Variants in ABCA10 observed in about 807,000 individuals in gnomAD.
ABCA10 encodes ATP binding cassette subfamily A member 10.
A neutral mutation model predicts 187.5 loss-of-function variants in ABCA10; 169 were observed. The ratio of observed to expected loss-of-function variants is 0.90; its 90% CI spans 0.80 to 1.02. ABCA10 has a LOEUF of 1.02. ABCA10 is among the 50% of genes least tolerant of loss of function. ABCA10 has a pLI of 0.00. For synonymous variants in ABCA10, 574 were observed against 601.8 expected (o/e 0.95, Z 0.68); for missense variants, 1,727 against 1,812.4 (o/e 0.95, Z 0.86).
chr17:69,190,310 C>A (rs752160488), intron 18 of ABCA10, 48 bp downstream of exon 18: 1 of 1,499,192 alleles, frequency 6.7e-7, no homozygotes, highest in Non-Finnish European at 8.8e-7. Context: ...TCATCTTTTT[C>A]TCTTCTCTTT....
At chr17:69,171,093 C>T (rs939130118) in intron 25 of ABCA10, among the ~76,000 whole-genome samples, 3 of 152,152 alleles carry the variant, frequency 2.0e-5, no homozygotes, top group African/African-American at 4.8e-5. Flanking sequence ...ACAGAGTCTT[C>T]GGAGTTCCAC....
At chr17:69,149,192 G>A in intron 37 of ABCA10, 104 bp from the exon 38 acceptor site, 3 of 1,196,788 alleles carry the variant, frequency 2.5e-6, no homozygotes, top group Non-Finnish European at 3.6e-6. Flanking sequence ...GATACTGTAA[G>A]ATATAGGCCA....
intron 3 of ABCA10, among the ~76,000 whole-genome samples, chr17:69,223,053 G>A (rs962520034): frequency 2.6e-5 from 4 of 151,726 alleles, no homozygotes; most frequent in South Asian, 2.1e-4. Flanking sequence ...TGAGGGGTAG[G>A]GGAGGAGAGG....
intron 3 of ABCA10, chr17:69,223,576 G>T: frequency 2.7e-6 from 1 of 365,292 alleles, no homozygotes; most frequent in South Asian, 2.0e-5. Context: ...CTCACTCAGG[G>T]TGAAATCTAC....
At chr17:69,203,563 C>A (rs1401697534) in intron 9 of ABCA10, among the ~76,000 whole-genome samples, 1 of 152,140 alleles carries the variant, frequency 6.6e-6, no homozygotes, top group Non-Finnish European at 1.5e-5. Context: ...TCTGTTCTCC[C>A]CTCTGCATTA....
At chr17:69,164,827 T>TA in intron 26 of ABCA10, 137 bp downstream of exon 26, 2 of 1,186,538 alleles carry the variant, frequency 1.7e-6, no homozygotes, top group Non-Finnish European at 2.3e-6. Flanking sequence ...TATACAGCTT[T>TA]AAAATCTTAT....
rs1555659730 is a variant in ABCA10, at chr17:69,177,965, A to AT, written c.2770-2453_2770-2452insA. On this transcript the variant is annotated intron_variant, in intron 22 of 38. Coordinates refer to ENST00000690296, the MANE Select transcript of ABCA10 (RefSeq NM_001377321.1). The stretch of plus-strand genomic sequence containing the variant: ...AATGAGACTCCATTTCAAAAAAAAA[A>AT]AAAAAAAAATATATATATATATATA... Among the ~76,000 whole-genome samples the AT allele has an allele frequency of 2.6e-3, 322 of 125,286 alleles. 2 individuals carry two copies. Among genetic ancestry groups the AT allele is most frequent in the African/African-American group, 8.5e-3 (299 of 35,056 alleles). The allele number at this position is 125,286 out of a possible 152,430, so 82.2% of individuals were successfully genotyped here.
intron 36 of ABCA10, 97 bp from the exon 37 acceptor site, chr17:69,150,160 T>C (rs1217169385): frequency 1.2e-6 from 1 of 804,974 alleles, no homozygotes; most frequent in Non-Finnish European, 2.0e-6. Flanking sequence ...CAATGTGTTC[T>C]TTAAATAAGT....
In ABCA10 at chr17:69,215,880, G is replaced by A. The variant is rs773844188; in HGVS notation, c.793C>T (p.Pro265Ser). 2 of 1,613,422 alleles carry A rather than the reference G, an allele frequency of 1.2e-6. No individual in the cohort carries two copies. The highest frequency in any genetic ancestry group is 2.7e-5 in the African/African-American group (2 of 74,872). Residue 265 changes from proline (P) to serine (S), a missense_variant, in exon 8 of 39, where the codon CCT becomes TCT. Physicochemically the swap from Pro to Ser is moderately conservative, Grantham distance 74. Transcript: ENST00000690296. ...CTTAATACCCATCCCAAAGATAAAG[G>A]AAGTTGTCTATATAACACAGTGAAT... ...LGFTVLYRQLPLSLGWVLSLL... is the reference protein window; with the variant it reads ...LGFTVLYRQLSLSLGWVLSLL...
intron 9 of ABCA10, among the ~76,000 whole-genome samples, chr17:69,209,076 T>C (rs2074615046): frequency 6.6e-6 from 1 of 152,178 alleles, no homozygotes; most frequent in African/African-American, 2.4e-5. Context: ...ACAGGGTGTT[T>C]TTAATGCTCT....
chr17:69,180,764 T>G (rs2144788017), intron 22 of ABCA10, among the ~76,000 whole-genome samples: 1 of 152,298 alleles, frequency 6.6e-6, no homozygotes, highest in Non-Finnish European at 1.5e-5. Flanking sequence ...CCCTATCTCA[T>G]TCGCAGAAAA....
chr17:69,194,129 A>G (rs1300730832), intron 12 of ABCA10, 140 bp from the exon 13 acceptor site: 8 of 855,090 alleles, frequency 9.4e-6, no homozygotes, highest in Non-Finnish European at 1.4e-5. Context: ...CATAATTAAT[A>G]CATTGAATAA....
intron 25 of ABCA10, among the ~76,000 whole-genome samples, chr17:69,171,374 A>G (rs1286747964): frequency 6.6e-6 from 1 of 152,256 alleles, no homozygotes; most frequent in Non-Finnish European, 1.5e-5. Flanking sequence ...ATGAGTAAAA[A>G]TAATTTAGAT....
chr17:69,201,513 T>C lies in ABCA10; in HGVS notation c.1162A>G (p.Lys388Glu). ...TTTCTTAGTTACCTTATGGCTTCTTTTCCATGGAATTCTGGAGACACCGGT... is the reference window on the plus strand; with the variant it reads ...TTTCTTAGTTACCTTATGGCTTCTTCTCCATGGAATTCTGGAGACACCGGT... The part of the protein sequence containing the change: ...FEPVSPEFHG[K>E]EAIRIRNVIK... The change falls in exon 10 of 39, where the codon AAA becomes GAA. Residue 388 changes from lysine to glutamate, a missense_variant. Lys to Glu is a moderately conservative substitution (Grantham distance 56). Coordinates refer to ENST00000690296, the MANE Select transcript of ABCA10 (RefSeq NM_001377321.1). 1 of 1,588,756 alleles carries C rather than the reference T, an allele frequency of 6.3e-7. No individual in the cohort carries two copies. Among genetic ancestry groups the C allele is most frequent in the Non-Finnish European group, 8.5e-7 (1 of 1,171,724 alleles).
intron 5 of ABCA10, among the ~76,000 whole-genome samples, chr17:69,221,195 T>C (rs527635644): frequency 2.6e-5 from 4 of 152,276 alleles, no homozygotes; most frequent in South Asian, 4.1e-4. Context: ...TGTTATTTAG[T>C]TGAAATATCA....
chr17:69,241,382 C>G (rs2074902567), intron 1 of ABCA10, among the ~76,000 whole-genome samples: 1 of 152,156 alleles, frequency 6.6e-6, no homozygotes, highest in Admixed American at 6.6e-5. Flanking sequence ...TGTGCTCTGT[C>G]CCCTCATATC....
upstream of ABCA10, among the ~76,000 whole-genome samples, chr17:69,231,837 A>C (rs201781297): frequency 1.0e-5 from 1 of 97,292 alleles, no homozygotes; most frequent in Non-Finnish European, 2.0e-5. Context: ...TTCTGTCTGG[A>C]TGATCTGTCT....
intron 9 of ABCA10, among the ~76,000 whole-genome samples, chr17:69,207,647 G>A (rs2074601801): frequency 6.6e-6 from 1 of 152,118 alleles, no homozygotes; most frequent in Admixed American, 6.6e-5. Flanking sequence ...AGTAAAGTAA[G>A]CCAGATACAG....
intron 22 of ABCA10, among the ~76,000 whole-genome samples, chr17:69,181,760 T>C (rs1032860301): frequency 5.9e-5 from 9 of 152,134 alleles, no homozygotes; most frequent in African/African-American, 2.2e-4. Context: ...CTTTCCTTTA[T>C]AGGAACGTAA....
Sources: allele counts gnomAD v4.1 joint callset (sites outside exome capture counted in the v4.1 genomes callset), GRCh38; gene constraint gnomAD v4.1.1; transcripts MANE v1.5; gene names NCBI Gene and HGNC (gene_info 2026-07-23, HGNC 2026-07-21).